The following QTMAN variants were observed in gnomAD, a reference collection of about 807,000 sequenced individuals.
QTMAN encodes queuosine-tRNA mannosyltransferase, also known as tRNA-queuosine alpha-mannosyltransferase.
chr2:143,949,238 C>T, the QTMAN span, among the ~76,000 whole-genome samples: 1 of 151,884 alleles, frequency 6.6e-6, no homozygotes, highest in Non-Finnish European at 1.5e-5. Context: ...CACAAGTGTT[C>T]TGCGATAGAA....
chr2:144,141,987 T>A, the QTMAN span: 10 of 1,610,882 alleles, frequency 6.2e-6, no homozygotes, highest in Non-Finnish European at 7.6e-6. Flanking sequence ...CTTCATAAAT[T>A]TTCCCATGGA....
the QTMAN span, among the ~76,000 whole-genome samples, chr2:144,222,561 C>T: frequency 1.3e-5 from 2 of 151,560 alleles, no homozygotes; most frequent in African/African-American, 4.8e-5. Context: ...AATCCCAGCA[C>T]TTTGAGAGGC....
the QTMAN span, among the ~76,000 whole-genome samples, chr2:144,122,539 A>T: frequency 6.6e-6 from 1 of 152,138 alleles, no homozygotes; most frequent in African/African-American, 2.4e-5. Context: ...AATGGAAAGG[A>T]TACTAAATGA....
the QTMAN span, among the ~76,000 whole-genome samples, chr2:144,295,600 G>A: frequency 2.0e-5 from 3 of 152,024 alleles, no homozygotes; most frequent in African/African-American, 7.2e-5. Flanking sequence ...CAGCTCCCAA[G>A]GCAGCTTTTT....
the QTMAN span, among the ~76,000 whole-genome samples, chr2:144,276,581 GA>G: frequency 6.6e-6 from 1 of 152,044 alleles, no homozygotes; most frequent in East Asian, 1.9e-4. Flanking sequence ...ATTTGTTTCA[GA>G]ATTGACATAT....
the QTMAN span, among the ~76,000 whole-genome samples, chr2:144,073,637 A>G: frequency 2.0e-5 from 3 of 152,248 alleles, no homozygotes; most frequent in Non-Finnish European, 4.4e-5. Flanking sequence ...AATCAGCTCT[A>G]CTTCTGATAA....
chr2:144,219,807 G>C, the QTMAN span, among the ~76,000 whole-genome samples: 1 of 152,144 alleles, frequency 6.6e-6, no homozygotes, highest in African/African-American at 2.4e-5. Flanking sequence ...GGGTGACAGA[G>C]TGAGACCCTG....
At chr2:144,319,168 G>C in the QTMAN span, among the ~76,000 whole-genome samples, 1 of 152,098 alleles carries the variant, frequency 6.6e-6, no homozygotes, top group Non-Finnish European at 1.5e-5. Flanking sequence ...ACACCATACA[G>C]TGTGACTCTT....
the QTMAN span, among the ~76,000 whole-genome samples, chr2:144,199,002 T>C: frequency 6.6e-6 from 1 of 152,030 alleles, no homozygotes; most frequent in Non-Finnish European, 1.5e-5. Context: ...CTTAGATCTA[T>C]GTCAGAATTT....
At chr2:144,050,781 G>GCACA in the QTMAN span, among the ~76,000 whole-genome samples, 1,957 of 148,998 alleles carry the variant, frequency 0.013, 42 homozygotes, top group African/African-American at 0.043. Flanking sequence ...CTTTCAGTCA[G>GCACA]CACACACACA....
the QTMAN span, among the ~76,000 whole-genome samples, chr2:144,012,641 A>C: frequency 6.6e-6 from 1 of 152,144 alleles, no homozygotes. Flanking sequence ...TTTTTGAGAG[A>C]TTTTAATAAA....
chr2:144,220,541 A>G, the QTMAN span, among the ~76,000 whole-genome samples: 1 of 152,216 alleles, frequency 6.6e-6, no homozygotes, highest in Non-Finnish European at 1.5e-5. Context: ...CAGAGACCCT[A>G]TAGCCAGAGT....
chr2:144,014,128 G>C, the QTMAN span, among the ~76,000 whole-genome samples: 1 of 152,132 alleles, frequency 6.6e-6, no homozygotes, highest in Non-Finnish European at 1.5e-5. Flanking sequence ...TCCTTGGCTG[G>C]TCGGCTGCAG....
the QTMAN span, among the ~76,000 whole-genome samples, chr2:144,110,326 G>A: frequency 1.3e-5 from 2 of 152,092 alleles, no homozygotes; most frequent in Non-Finnish European, 2.9e-5. Context: ...TCACTCATAG[G>A]TGGGAACTGA....
chr2:144,135,035 TGAA>T, the QTMAN span, among the ~76,000 whole-genome samples: 32 of 152,322 alleles, frequency 2.1e-4, 2 homozygotes, highest in East Asian at 2.7e-3. Context: ...GAATATGATT[TGAA>T]GAAGATGATA....
At chr2:143,938,276 A>G in the QTMAN span, 2 of 152,194 alleles carry the variant, frequency 1.3e-5, no homozygotes, top group Non-Finnish European at 2.9e-5. Flanking sequence ...AGGATCACAA[A>G]GCAATCTCCA....
chr2:144,204,618 T>C, the QTMAN span, among the ~76,000 whole-genome samples: 1 of 152,276 alleles, frequency 6.6e-6, no homozygotes, highest in Non-Finnish European at 1.5e-5. Flanking sequence ...AGAAATACCA[T>C]TTGACCCAGC....
the QTMAN span, among the ~76,000 whole-genome samples, chr2:144,326,586 C>CAAAAAAAA: frequency 2.3e-5 from 1 of 43,734 alleles, no homozygotes; most frequent in Non-Finnish European, 5.0e-5. Context: ...GACTCCATCT[C>CAAAAAAAA]AAAAAAAAAA....
the QTMAN span, among the ~76,000 whole-genome samples, chr2:144,050,206 A>G: frequency 7.2e-5 from 11 of 152,308 alleles, no homozygotes; most frequent in Admixed American, 6.5e-4. Flanking sequence ...AATTAACTCT[A>G]TGTAGACAAT....
Sources: gnomAD v4.1 joint callset for allele counts (sites outside exome capture counted in the v4.1 genomes callset) on GRCh38, gnomAD v4.1.1 for gene constraint, MANE v1.5 for transcripts, NCBI Gene and HGNC (gene_info 2026-07-23, HGNC 2026-07-21) for gene names.